The following ZSWIM9 variants were observed in gnomAD, a reference collection of about 807,000 sequenced individuals.
The protein encoded by ZSWIM9 is zinc finger SWIM-type containing 9.
In ZSWIM9, 11 loss-of-function variants were observed where a neutral mutation model predicts 25.0. That is an observed-to-expected ratio of 0.44 (90% confidence interval 0.28 to 0.73). The LOEUF is 0.73. Among genes scored for constraint, ZSWIM9 ranks in the 30% least tolerant of loss-of-function variants. ZSWIM9 has a pLI of 0.16. For synonymous variants in ZSWIM9, 562 were observed against 582.1 expected (o/e 0.97, Z 0.50); for missense variants, 1,070 against 1,296.5 (o/e 0.83, Z 2.68).
At chr19:48,184,833 C>T (rs1004038882) in intron 3 of ZSWIM9, among the ~76,000 whole-genome samples, 4 of 152,130 alleles carry the variant, frequency 2.6e-5, no homozygotes, top group East Asian at 1.9e-4. Context: ...AGCTGGGCTT[C>T]GGACCCACAC....
rs2037163839 is a variant in ZSWIM9, at chr19:48,196,247, T to C, written c.2183T>C (p.Met728Thr). The change falls in exon 4 of 4, where the codon ATG (methionine) becomes ACG (threonine). Residue 728 changes from methionine (M) to threonine (T), a missense_variant. Around this residue, in one of 4 missense-constraint regions of ZSWIM9, gnomAD observed 583 missense variants for 624.7 expected, o/e 0.93. Transcript: ENST00000614654. ...VQLGDTRVTG[M>T]ENGDGGGARS... ...CTGGGAGACACGAGGGTCACAGGCA[T>C]GGAGAATGGAGATGGAGGGGGAGCC... 8.1e-7 allele frequency: 1 copy of C among 1,231,754 alleles called. No individual in the cohort carries two copies. Among genetic ancestry groups the C allele is most frequent in the Non-Finnish European group, 1.0e-6 (1 of 988,524 alleles). The allele number at this position is 1,231,754 out of a possible 1,614,324, so 76.3% of individuals were successfully genotyped here. A position where few individuals can be genotyped will look rare whatever the true frequency, so the allele number is the denominator to read the frequency against.
Position 48,195,765 on chromosome 19 carries a change from GA to G in ZSWIM9, c.1704del (p.Asp569IlefsTer19), listed in dbSNP as rs1393088568. On this transcript the variant is annotated frameshift_variant, in exon 4 of 4. Coordinates refer to ENST00000614654, the MANE Select transcript of ZSWIM9 (RefSeq NM_199341.4). LOFTEE classifies it low-confidence loss of function (END_TRUNC). The surrounding 1 kb of genome is among the most constrained non-coding windows in gnomAD (Gnocchi z 5.8). ...DWRGPQLEGEKDWGLEGYVWR... is the reference protein window; with the variant it reads ...DWRGPQLEGEXDWGLEGYVWR... ...GGAGGGGGCCCCAGTTGGAGGGTGA[GA>G]AAGATTGGGGACTGGAAGGTTATGT... 1 of 1,490,642 alleles carries G rather than the reference GA, an allele frequency of 6.7e-7. No individual in the cohort carries two copies. The highest frequency in any genetic ancestry group is 1.4e-5 in the African/African-American group (1 of 70,302). 92.3% of individuals were successfully genotyped at this position (1,490,642 alleles called of 1,614,324 possible).
chr19:48,187,501 T>TTATATTATATATATTATATATTATAA (rs1568579570), intron 3 of ZSWIM9, among the ~76,000 whole-genome samples: 10 of 4,976 alleles, frequency 2.0e-3, no homozygotes, highest in African/African-American at 3.7e-3. Context: ...TTATAATATA[T>TTATATTATATATATTATATATTATAA]TATATTATAT....
At chr19:48,178,190 G>T (rs1377153830) in intron 2 of ZSWIM9, among the ~76,000 whole-genome samples, 1 of 152,182 alleles carries the variant, frequency 6.6e-6, no homozygotes, top group Non-Finnish European at 1.5e-5. Flanking sequence ...GAGCCACCGT[G>T]CCCGGCCTTG....
rs73576194 is a variant in ZSWIM9 at position 48,197,446 on chromosome 19, C to T, written c.*619C>T. 2 of 606,448 alleles carry T rather than the reference C, an allele frequency of 3.3e-6. No homozygotes were observed. The highest frequency in any genetic ancestry group is 2.7e-5 in the Admixed American group (1 of 36,660). 37.6% of individuals were successfully genotyped at this position (606,448 alleles called of 1,614,324 possible). On this transcript the variant is annotated 3_prime_UTR_variant, in exon 4 of 4. Coordinates refer to ENST00000614654, the MANE Select transcript of ZSWIM9 (RefSeq NM_199341.4). ...GAAATGTGTGGGAGACGGGTAGAGA[C>T]GAAATGCAAGGGGCGTGGTTTTGGT...
At chr19:48,175,944 G>A (rs1478638456) in intron 2 of ZSWIM9, among the ~76,000 whole-genome samples, 7 of 152,176 alleles carry the variant, frequency 4.6e-5, no homozygotes, top group Non-Finnish European at 5.9e-5. Context: ...GGTGGCTCTC[G>A]CCTGTAATCC....
chr19:48,181,420 G>C (rs2036947666), intron 2 of ZSWIM9: 1 of 152,214 alleles, frequency 6.6e-6, no homozygotes, highest in Non-Finnish European at 1.5e-5. Flanking sequence ...CATCCGTGTT[G>C]TTGGAGGTTG....
At position 48,182,534 on chromosome 19, in the gene ZSWIM9, C is replaced by T; in HGVS notation, c.355C>T (p.Gln119Ter). ...GGACCGCCTCGTGGTGACGGAGTGC[C>T]AGCTGACCCACTCACACCCGGCCTG... The part of the protein sequence containing the change: ...LRDRLVVTEC[Q>*]LTHSHPACPL... The change falls in exon 3 of 4, where the codon CAG (glutamine) becomes TAG (stop). Residue 119 changes from glutamine to a stop codon, truncating the protein, a stop_gained. Transcript: ENST00000614654. LOFTEE classifies it high-confidence loss of function. This position sits in a 1 kb window ranked among gnomAD's most constrained non-coding sequence, Gnocchi z 4.6. 6.5e-7 allele frequency: 1 copy of T among 1,535,932 alleles called. No individual in the cohort carries two copies. Among genetic ancestry groups the T allele is most frequent in the Non-Finnish European group, 8.7e-7 (1 of 1,146,768 alleles).
intron 2 of ZSWIM9, among the ~76,000 whole-genome samples, chr19:48,179,800 T>C (rs12462020): frequency 0.06 from 9,156 of 152,290 alleles, 692 homozygotes; most frequent in African/African-American, 0.17. Flanking sequence ...TTAGTCTCAA[T>C]TGATGTAACA....
chr19:48,173,022 G>A (rs2036856612), intron 2 of ZSWIM9, among the ~76,000 whole-genome samples: 1 of 152,170 alleles, frequency 6.6e-6, no homozygotes, highest in South Asian at 2.1e-4. Context: ...CAGAGAAGCC[G>A]CAGGATAAAG....
Position 48,196,989 on chromosome 19 carries a change from A to C in ZSWIM9, c.*162A>C, listed in dbSNP as rs566150324. ...ATGGCAGTTTGCCTCTCTGGGTCCA[A>C]GGGCAAGCTGTAAGTGGTCTCTGAG... On this transcript the variant is annotated 3_prime_UTR_variant, in exon 4 of 4. Coordinates refer to ENST00000614654, the MANE Select transcript of ZSWIM9 (RefSeq NM_199341.4). 6.3e-4 allele frequency: 425 copies of C among 672,500 alleles called. No homozygotes were observed. Among genetic ancestry groups the C allele is most frequent in the Middle Eastern group, 1.3e-3 (3 of 2,296 alleles). 41.7% of individuals were successfully genotyped at this position (672,500 alleles called of 1,614,324 possible).
rs1311677401 is a variant in ZSWIM9 at position 48,194,713 on chromosome 19, C to T, written c.649C>T (p.Arg217Cys). Reference protein sequence around the residue: ...VVETVFFLTSRTRALLRRFPR... With the variant: ...VVETVFFLTSCTRALLRRFPR... Reference sequence around the variant, plus strand: ...GGAGACGGTGTTCTTCCTGACGTCGCGCACCAGGGCGCTGCTGCGGCGCTT... The same window carrying T: ...GGAGACGGTGTTCTTCCTGACGTCGTGCACCAGGGCGCTGCTGCGGCGCTT... The change falls in exon 4 of 4, where the codon CGC becomes TGC. Residue 217 changes from arginine to cysteine, a missense_variant. Arg to Cys is a radical substitution (Grantham distance 180). This residue lies in a region of ZSWIM9 where 265 missense variants were observed against 339.0 expected (regional missense o/e 0.78). Coordinates refer to ENST00000614654, the MANE Select transcript of ZSWIM9 (RefSeq NM_199341.4). The surrounding 1 kb of genome is among the most constrained non-coding windows in gnomAD (Gnocchi z 6.0). The T allele has an allele frequency of 6.5e-7, 1 of 1,529,532 alleles. No individual in the cohort carries two copies. The highest frequency in any genetic ancestry group is 8.7e-7 in the Non-Finnish European group (1 of 1,143,588). The allele number at this position is 1,529,532 out of a possible 1,614,324, so 94.7% of individuals were successfully genotyped here.
intron 2 of ZSWIM9, among the ~76,000 whole-genome samples, chr19:48,177,730 A>T (rs2036907674): frequency 6.6e-6 from 1 of 152,196 alleles, no homozygotes; most frequent in South Asian, 2.1e-4. Context: ...AAGCCCACGA[A>T]TTATTCTAGA....
intron 3 of ZSWIM9, chr19:48,183,224 G>A (rs2036973610): frequency 1.3e-5 from 2 of 153,512 alleles, no homozygotes; most frequent in South Asian, 2.0e-4. Flanking sequence ...CGCCTCCCGG[G>A]TTCAAGCGAT....
In ZSWIM9 at chr19:48,196,713, C is replaced by T. The variant is rs953457559; in HGVS notation, c.2649C>T (p.His883=). ...TGACACGCTGCAGCTGCTCAATTCA[C>T]GCCGCCCGCCGTCTGCCCTGCAGAC... is the stretch of plus-strand genomic sequence containing the variant. ...GALTRCSCSI[H]AARRLPCRHL... Residue 883 remains histidine (H), a synonymous_variant, in exon 4 of 4, where the codon CAC becomes CAT. Transcript: ENST00000614654. The T allele has an allele frequency of 2.4e-5, 29 of 1,232,970 alleles. No individual in the cohort carries two copies. The African/African-American group carries it at 3.1e-4, about 13-fold the overall frequency. 76.4% of individuals were successfully genotyped at this position (1,232,970 alleles called of 1,614,324 possible).
At position 48,195,162 on chromosome 19, in the gene ZSWIM9, C is replaced by T; in HGVS notation, c.1098C>T (p.His366=). The T allele has an allele frequency of 6.6e-7, 1 of 1,517,188 alleles. No homozygotes were observed. Among genetic ancestry groups the T allele is most frequent in the East Asian group, 2.6e-5 (1 of 38,914 alleles). The allele number at this position is 1,517,188 out of a possible 1,614,324, so 94.0% of individuals were successfully genotyped here. The part of the protein sequence containing the change: ...AAYDEALAEL[H]AHGPAAFVDY... ...ACGACGAGGCGCTGGCCGAGCTCCA[C>T]GCCCACGGCCCAGCCGCCTTCGTGG... The change falls in exon 4 of 4, where the codon CAC becomes CAT. Residue 366 remains histidine, a synonymous_variant. Coordinates refer to ENST00000614654, the MANE Select transcript of ZSWIM9 (RefSeq NM_199341.4). The surrounding 1 kb of genome is among the most constrained non-coding windows in gnomAD (Gnocchi z 5.8).
At chr19:48,175,971 C>T (rs1373112256) in intron 2 of ZSWIM9, among the ~76,000 whole-genome samples, 7 of 152,120 alleles carry the variant, frequency 4.6e-5, no homozygotes, top group African/African-American at 1.2e-4. Flanking sequence ...TTTGGGAGGC[C>T]GAGGCGGGCA....
Position 48,182,916 on chromosome 19 carries a change from G to T in ZSWIM9, c.588+149G>T, listed in dbSNP as rs1340009135. On this transcript the variant is annotated intron_variant, in intron 3 of 3. Coordinates refer to ENST00000614654, the MANE Select transcript of ZSWIM9 (RefSeq NM_199341.4). The surrounding 1 kb of genome is among the most constrained non-coding windows in gnomAD (Gnocchi z 4.6). ...CATTCATTCAATAAGTACTTACCGA[G>T]GCATTGGGGATGCAGCAGCAAACCA... 1 of 671,258 alleles carries T rather than the reference G, an allele frequency of 1.5e-6. No individual in the cohort carries two copies. The highest frequency in any genetic ancestry group is 1.8e-5 in the African/African-American group (1 of 55,086). The allele number at this position is 671,258 out of a possible 1,614,324, so 41.6% of individuals were successfully genotyped here. A position where few individuals can be genotyped will look rare whatever the true frequency, so the allele number is the denominator to read the frequency against.
At chr19:48,184,088 T>C (rs982130414) in intron 3 of ZSWIM9, among the ~76,000 whole-genome samples, 8 of 152,044 alleles carry the variant, frequency 5.3e-5, no homozygotes, top group African/African-American at 1.4e-4. Context: ...AAGAGTGCTA[T>C]GTCCTGTAAT....
Sources: allele counts gnomAD v4.1 joint callset (sites outside exome capture counted in the v4.1 genomes callset), GRCh38; gene constraint gnomAD v4.1.1; regional missense constraint gnomAD v4.1.1; non-coding constraint Gnocchi (gnomAD v3.1); transcripts MANE v1.5; gene names NCBI Gene and HGNC (gene_info 2026-07-23, HGNC 2026-07-21).